Variants in AGBL4 observed in about 807,000 individuals in gnomAD.
AGBL4 encodes AGBL carboxypeptidase 4.
Under a neutral mutation model 66.4 loss-of-function variants are expected in AGBL4, and 58 were observed. That is an observed-to-expected ratio of 0.87 (90% CI 0.71 to 1.09). The LOEUF (loss-of-function observed/expected upper bound fraction) is 1.09, where lower values mean the gene tolerates loss of function less well. AGBL4 is among the 50% of genes least tolerant of loss of function. The pLI is 0.00. For missense variants in AGBL4, 579 were observed against 631.0 expected, an observed-to-expected ratio of 0.92 and a Z score of 0.88; for synonymous variants, 234 against 222.9, an observed-to-expected ratio of 1.05 and a Z score of -0.44.
intron 2 of AGBL4, among the ~76,000 whole-genome samples, chr1:49,742,571 C>CA (rs1255322511): frequency 7.3e-5 from 11 of 151,616 alleles, no homozygotes; most frequent in African/African-American, 1.7e-4. Context: ...CATATGGAAC[C>CA]AAAAAAGAGC....
intron 3 of AGBL4, among the ~76,000 whole-genome samples, chr1:49,401,691 C>T (rs997206942): frequency 2.9e-4 from 44 of 151,992 alleles, no homozygotes; most frequent in African/African-American, 1.0e-3. Context: ...GTAATACTGG[C>T]CTCATTTAAT....
chr1:48,812,087 A>G (rs941093740), intron 6 of AGBL4, among the ~76,000 whole-genome samples: 20 of 152,152 alleles, frequency 1.3e-4, no homozygotes, highest in African/African-American at 4.8e-4. Context: ...GAGACAGATA[A>G]TAAGTGTGGG....
At chr1:49,924,475 T>C (rs1652570203) in intron 1 of AGBL4, among the ~76,000 whole-genome samples, 1 of 152,150 alleles carries the variant, frequency 6.6e-6, no homozygotes, top group African/African-American at 2.4e-5. Flanking sequence ...AATCCAAATA[T>C]AAAATAAAAA....
At chr1:49,751,215 G>A (rs903325459) in intron 2 of AGBL4, among the ~76,000 whole-genome samples, 1 of 152,116 alleles carries the variant, frequency 6.6e-6, no homozygotes, top group African/African-American at 2.4e-5. Context: ...TATTGGCTGT[G>A]GGTTTGTCAT....
intron 5 of AGBL4, among the ~76,000 whole-genome samples, chr1:48,999,877 A>G (rs1039651328): frequency 2.0e-5 from 3 of 152,132 alleles, no homozygotes; most frequent in African/African-American, 7.2e-5. Context: ...ACCTTCCAGC[A>G]TCAACAGAGT....
At chr1:49,859,356 A>T (rs1045608353) in intron 1 of AGBL4, among the ~76,000 whole-genome samples, 2 of 152,220 alleles carry the variant, frequency 1.3e-5, no homozygotes, top group Non-Finnish European at 2.9e-5. Context: ...TAGCAAATCA[A>T]ATCCATCAGT....
chr1:50,009,276 C>G (rs1661354941), intron 1 of AGBL4, among the ~76,000 whole-genome samples: 1 of 152,062 alleles, frequency 6.6e-6, no homozygotes, highest in Admixed American at 6.5e-5. Context: ...AAAATACTGG[C>G]AAACTAAATT....
intron 3 of AGBL4, among the ~76,000 whole-genome samples, chr1:49,462,416 A>G (rs1368011118): frequency 6.6e-6 from 1 of 151,698 alleles, no homozygotes; most frequent in Non-Finnish European, 1.5e-5. Context: ...GACCACATTG[A>G]AATGAAATAC....
Position 50,023,902 on chromosome 1 carries a change from C to T in AGBL4, c.-106G>A. 4 of 1,307,896 alleles carry T rather than the reference C, an allele frequency of 3.1e-6. No homozygotes were observed. Among genetic ancestry groups the T allele is most frequent in the Non-Finnish European group, 4.1e-6 (4 of 981,808 alleles). The allele number at this position is 1,307,896 out of a possible 1,614,324, so 81.0% of individuals were successfully genotyped here. On this transcript the variant is annotated 5_prime_UTR_variant, in exon 1 of 14. In the 5' UTR this introduces an upstream ATG that the reference lacks. Transcript: ENST00000371839. ...GGAGCTACCTCAGGAAGACGCGGCACGACGGTTGCCTGGGCAACGGGCGGC... is the reference window on the plus strand; with the variant it reads ...GGAGCTACCTCAGGAAGACGCGGCATGACGGTTGCCTGGGCAACGGGCGGC...
chr1:49,497,984 A>G (rs1198886299), intron 3 of AGBL4, among the ~76,000 whole-genome samples: 2 of 151,964 alleles, frequency 1.3e-5, no homozygotes, highest in Non-Finnish European at 2.9e-5. Flanking sequence ...ATTTTTAACA[A>G]TATTCCAATT....
intron 2 of AGBL4, among the ~76,000 whole-genome samples, chr1:49,789,838 G>C (rs984759898): frequency 3.3e-5 from 5 of 151,984 alleles, no homozygotes; most frequent in African/African-American, 1.2e-4. Context: ...TACTTTACAT[G>C]TCATAAGGAA....
At chr1:49,626,580 C>T (rs1242711945) in intron 3 of AGBL4, among the ~76,000 whole-genome samples, 1 of 152,080 alleles carries the variant, frequency 6.6e-6, no homozygotes, top group Non-Finnish European at 1.5e-5. Flanking sequence ...CTACTCCATT[C>T]ATGTGGTCAT....
chr1:49,665,411 C>G (rs996862637), intron 3 of AGBL4, among the ~76,000 whole-genome samples: 1 of 152,094 alleles, frequency 6.6e-6, no homozygotes, highest in Non-Finnish European at 1.5e-5. Context: ...AGTTATTTCT[C>G]CTCTGTAAGA....
At chr1:49,634,862 C>A (rs983704915) in intron 3 of AGBL4, among the ~76,000 whole-genome samples, 1 of 152,072 alleles carries the variant, frequency 6.6e-6, no homozygotes, top group African/African-American at 2.4e-5. Context: ...GTTCCTACTG[C>A]GAAAAAATGA....
chr1:49,541,377 G>C (rs1570983451), intron 3 of AGBL4, among the ~76,000 whole-genome samples: 1 of 152,154 alleles, frequency 6.6e-6, no homozygotes, highest in East Asian at 1.9e-4. Context: ...GTCCTTGTGG[G>C]CCAGCATGAG....
At chr1:49,628,691 C>A (rs1392593670) in intron 3 of AGBL4, among the ~76,000 whole-genome samples, 1 of 152,128 alleles carries the variant, frequency 6.6e-6, no homozygotes, top group Non-Finnish European at 1.5e-5. Flanking sequence ...ATGTTCTGTT[C>A]AATGTATTCC....
At chr1:49,191,484 A>G (rs1172624622) in intron 4 of AGBL4, among the ~76,000 whole-genome samples, 1 of 152,220 alleles carries the variant, frequency 6.6e-6, no homozygotes, top group Non-Finnish European at 1.5e-5. Flanking sequence ...TTTTACGTTC[A>G]GGAAGTACAC....
intron 3 of AGBL4, among the ~76,000 whole-genome samples, chr1:49,326,060 T>C (rs1308932272): frequency 6.6e-6 from 1 of 152,204 alleles, no homozygotes; most frequent in Non-Finnish European, 1.5e-5. Flanking sequence ...AGGTATTTCT[T>C]TATAGTAGTT....
chr1:49,973,358 T>A (rs1289172941), intron 1 of AGBL4, among the ~76,000 whole-genome samples: 1 of 152,118 alleles, frequency 6.6e-6, no homozygotes, highest in Non-Finnish European at 1.5e-5. Flanking sequence ...TATTTAAATT[T>A]AAAATGCAGT....
Sources: gnomAD v4.1 joint callset for allele counts (sites outside exome capture counted in the v4.1 genomes callset) on GRCh38, gnomAD v4.1.1 for gene constraint, MANE v1.5 for transcripts, NCBI Gene and HGNC (gene_info 2026-07-23, HGNC 2026-07-21) for gene names.